The following KCNQ3 variants were observed in gnomAD, a reference collection of about 807,000 sequenced individuals.
KCNQ3 encodes potassium voltage-gated channel subfamily KQT member 3.
In KCNQ3, 30 loss-of-function variants were observed where a neutral mutation model predicts 92.5. That is an observed-to-expected ratio of 0.32 (90% confidence interval 0.24 to 0.44). The LOEUF (loss-of-function observed/expected upper bound fraction) is 0.44, where lower values mean the gene tolerates loss of function less well. KCNQ3 is among the 20% of genes least tolerant of loss of function. The pLI is 1.00. For synonymous variants in KCNQ3, 450 were observed against 468.8 expected (o/e 0.96, Z 0.52); for missense variants, 913 against 1,140.3 (o/e 0.80, Z 2.87).
chr8:132,204,075 T>C (rs560264636), intron 1 of KCNQ3, among the ~76,000 whole-genome samples: 1 of 152,368 alleles, frequency 6.6e-6, no homozygotes, highest in South Asian at 2.1e-4. Flanking sequence ...ATGACAGCCA[T>C]TGATTGTGTC....
intron 1 of KCNQ3, among the ~76,000 whole-genome samples, chr8:132,260,643 C>A (rs1815752044): frequency 6.6e-6 from 1 of 152,086 alleles, no homozygotes; most frequent in Admixed American, 6.5e-5. Flanking sequence ...GTGGTATTTT[C>A]TTGCTCTCCA....
At position 132,178,323 on chromosome 8, in the gene KCNQ3, C is replaced by T. The variant is rs1031863681; in HGVS notation, c.777+1834G>A. On this transcript the variant is annotated intron_variant, in intron 4 of 14. Coordinates refer to ENST00000388996, the MANE Select transcript of KCNQ3 (RefSeq NM_004519.4). ...TCACTGATTCTGCAGCCAGAAGTAG[C>T]ACAGACAAAAAATAAAACACAGATG... Among the ~76,000 whole-genome samples, 6 of 152,178 alleles carry T rather than the reference C, an allele frequency of 3.9e-5. No homozygotes were observed. The East Asian group carries it at 1.2e-3, about 29-fold the overall frequency.
chr8:132,153,149 A>G (rs998053213), intron 9 of KCNQ3, among the ~76,000 whole-genome samples: 1 of 152,238 alleles, frequency 6.6e-6, no homozygotes, highest in African/African-American at 2.4e-5. Context: ...GCTCAGAAGA[A>G]ACAAGAGGGA....
At chr8:132,335,367 A>G (rs1818341519) in intron 1 of KCNQ3, among the ~76,000 whole-genome samples, 1 of 152,014 alleles carries the variant, frequency 6.6e-6, no homozygotes, top group African/African-American at 2.4e-5. Context: ...ATGACTGCCC[A>G]TTATCTTGCA....
At chr8:132,284,482 C>CTAT (rs1326184657) in intron 1 of KCNQ3, among the ~76,000 whole-genome samples, 1 of 108,116 alleles carries the variant, frequency 9.2e-6, no homozygotes, top group African/African-American at 2.8e-5. Flanking sequence ...TTGTGAAACT[C>CTAT]TATAGATTTT....
At chr8:132,228,609 C>T (rs374280825) in intron 1 of KCNQ3, among the ~76,000 whole-genome samples, 1 of 152,138 alleles carries the variant, frequency 6.6e-6, no homozygotes, top group African/African-American at 2.4e-5. Context: ...TTATTGCTAT[C>T]TGATATATAA....
intron 1 of KCNQ3, among the ~76,000 whole-genome samples, chr8:132,354,125 C>T (rs1409475961): frequency 6.6e-6 from 1 of 152,150 alleles, no homozygotes; most frequent in Non-Finnish European, 1.5e-5. Context: ...CCTCCTAGTG[C>T]CCACCTTGGG....
chr8:132,343,263 C>T (rs974430394), intron 1 of KCNQ3, among the ~76,000 whole-genome samples: 1 of 152,252 alleles, frequency 6.6e-6, no homozygotes, highest in African/African-American at 2.4e-5. Context: ...TGAGAGTACA[C>T]TGTGTTCCAG....
intron 1 of KCNQ3, among the ~76,000 whole-genome samples, chr8:132,316,744 T>C (rs941967905): frequency 3.9e-5 from 6 of 152,250 alleles, no homozygotes; most frequent in African/African-American, 1.2e-4. Flanking sequence ...TAATTAACAA[T>C]TGGCAGTTCT....
At chr8:132,476,930 G>C (rs1033852081) in intron 1 of KCNQ3, among the ~76,000 whole-genome samples, 11 of 152,294 alleles carry the variant, frequency 7.2e-5, no homozygotes, top group Admixed American at 7.2e-4. Context: ...GAGTCGCCTG[G>C]TGGGAGGTGA....
chr8:132,244,780 G>A (rs1815107876), intron 1 of KCNQ3, among the ~76,000 whole-genome samples: 1 of 152,028 alleles, frequency 6.6e-6, no homozygotes, highest in African/African-American at 2.4e-5. Flanking sequence ...AAGCCTAAGG[G>A]ATACTTCTCT....
chr8:132,133,041 T>C (rs559053561), intron 13 of KCNQ3, among the ~76,000 whole-genome samples: 1 of 152,336 alleles, frequency 6.6e-6, no homozygotes, highest in South Asian at 2.1e-4. Context: ...TGGTGGTCCA[T>C]GTGCTAAATC....
intron 1 of KCNQ3, among the ~76,000 whole-genome samples, chr8:132,308,545 T>C (rs1373557601): frequency 1.3e-5 from 2 of 152,186 alleles, no homozygotes; most frequent in Non-Finnish European, 2.9e-5. Flanking sequence ...GAGTTATTTA[T>C]CATGCTTCAC....
chr8:132,407,146 G>A (rs1228622804), intron 1 of KCNQ3, among the ~76,000 whole-genome samples: 1 of 152,182 alleles, frequency 6.6e-6, no homozygotes, highest in Non-Finnish European at 1.5e-5. Context: ...AGAGGGAGTG[G>A]TGAGTTAGGC....
At chr8:132,228,711 G>A (rs2130364308) in intron 1 of KCNQ3, among the ~76,000 whole-genome samples, 1 of 151,792 alleles carries the variant, frequency 6.6e-6, no homozygotes, top group Non-Finnish European at 1.5e-5. Context: ...TCTCAGTCTG[G>A]GGGTGCCTGA....
chr8:132,439,178 T>C (rs909034489), intron 1 of KCNQ3, among the ~76,000 whole-genome samples: 3 of 151,912 alleles, frequency 2.0e-5, no homozygotes, highest in Non-Finnish European at 4.4e-5. Flanking sequence ...AGTCAAGATT[T>C]ACCCCTGCTG....
Position 132,480,452 on chromosome 8 carries a change from G to C in KCNQ3, c.81C>G (p.Asn27Lys), listed in dbSNP as rs1271630840. The part of the protein sequence containing the change: ...DGGGGGGGAA[N>K]PAGGDAAAAG... ...CCGCCGCCGCGTCCCCTCCGGCTGGGTTAGCCGCCCCGCCGCCTCCGCCGC... is the reference window on the plus strand; with the variant it reads ...CCGCCGCCGCGTCCCCTCCGGCTGGCTTAGCCGCCCCGCCGCCTCCGCCGC... Residue 27 changes from asparagine (N) to lysine (K), a missense_variant, in exon 1 of 15, where the codon AAC (asparagine) becomes AAG (lysine). This residue lies in a region of KCNQ3 where 183 missense variants were observed against 167.7 expected (regional missense o/e 1.09). Coordinates refer to ENST00000388996, the MANE Select transcript of KCNQ3 (RefSeq NM_004519.4). 7.6e-7 allele frequency: 1 copy of C among 1,319,516 alleles called. No individual in the cohort carries two copies. The highest frequency in any genetic ancestry group is 9.6e-7 in the Non-Finnish European group (1 of 1,037,268). The allele number at this position is 1,319,516 out of a possible 1,614,324, so 81.7% of individuals were successfully genotyped here. A position where few individuals can be genotyped will look rare whatever the true frequency, so the allele number is the denominator to read the frequency against.
In KCNQ3 at chr8:132,124,669, C is replaced by CA. The variant is rs1210270612; in HGVS notation, c.*4592dup. On this transcript the variant is annotated 3_prime_UTR_variant, in exon 15 of 15. Transcript: ENST00000388996. ...GTTTGGAATGGTTTAATATCAGCAA[C>CA]AATAGCATTGGGTTGATTTGAATAT... 1.3e-5 allele frequency: 2 copies of CA among 152,216 alleles called. No individual in the cohort carries two copies. Among genetic ancestry groups the CA allele is most frequent in the Non-Finnish European group, 2.9e-5 (2 of 68,048 alleles). The allele number at this position is 152,216 out of a possible 1,614,324, so 9.4% of individuals were successfully genotyped here. A position where few individuals can be genotyped will look rare whatever the true frequency, so the allele number is the denominator to read the frequency against.
chr8:132,381,956 C>A (rs1421824909), intron 1 of KCNQ3, among the ~76,000 whole-genome samples: 1 of 152,194 alleles, frequency 6.6e-6, no homozygotes, highest in Admixed American at 6.5e-5. Flanking sequence ...AGCCAAATCC[C>A]ATCTCACCAG....
Sources: allele counts gnomAD v4.1 joint callset (sites outside exome capture counted in the v4.1 genomes callset), GRCh38; gene constraint gnomAD v4.1.1; regional missense constraint gnomAD v4.1.1; transcripts MANE v1.5; gene names NCBI Gene and HGNC (gene_info 2026-07-23, HGNC 2026-07-21).